Variants in FAM151B observed in about 807,000 individuals in gnomAD.
FAM151B encodes the protein family with sequence similarity 151 member B, also known as protein FAM151B.
A neutral mutation model predicts 31.2 loss-of-function variants in FAM151B; 24 were observed. The ratio of observed to expected loss-of-function variants is 0.77; its 90% CI spans 0.56 to 1.08. FAM151B has a LOEUF of 1.08. FAM151B is among the 50% of genes least tolerant of loss of function. The pLI, the probability that FAM151B is intolerant of heterozygous loss-of-function variation, is 0.00. For missense variants in FAM151B, 293 were observed against 328.6 expected, an observed-to-expected ratio of 0.89 and a Z score of 0.84; for synonymous variants, 105 against 111.4, an observed-to-expected ratio of 0.94 and a Z score of 0.36.
At chr5:80,536,386 G>T (rs1012039636) in intron 5 of FAM151B, among the ~76,000 whole-genome samples, 1 of 151,840 alleles carries the variant, frequency 6.6e-6, no homozygotes, top group Non-Finnish European at 1.5e-5. Context: ...ATCCTGGCCA[G>T]GCTGGTCTCA....
At chr5:80,536,921 TG>T (rs1454668924) in intron 5 of FAM151B, among the ~76,000 whole-genome samples, 1 of 151,916 alleles carries the variant, frequency 6.6e-6, no homozygotes, top group Non-Finnish European at 1.5e-5. Context: ...TGGTGGGTGT[TG>T]GGGGGAGGTG....
intron 5 of FAM151B, among the ~76,000 whole-genome samples, chr5:80,535,049 T>G (rs1218302146): frequency 6.6e-6 from 1 of 151,986 alleles, no homozygotes; most frequent in African/African-American, 2.4e-5. Flanking sequence ...ACCAAAGAAG[T>G]GAAAGATCTC....
At chr5:80,519,954 C>A in intron 4 of FAM151B, 44 bp downstream of exon 4, 3 of 1,536,508 alleles carry the variant, frequency 2.0e-6, no homozygotes, top group South Asian at 1.1e-5. Flanking sequence ...TTAAAATATC[C>A]TCCAGGTATA....
intron 2 of FAM151B, among the ~76,000 whole-genome samples, chr5:80,512,878 T>C (rs1187879356): frequency 2.0e-5 from 3 of 152,158 alleles, no homozygotes; most frequent in Admixed American, 1.3e-4. Context: ...TTTGATCTTT[T>C]GGGATTGTGA....
intron 5 of FAM151B, among the ~76,000 whole-genome samples, chr5:80,538,894 G>C (rs917974992): frequency 7.2e-5 from 11 of 151,776 alleles, no homozygotes; most frequent in African/African-American, 2.4e-4. Context: ...CACCGTGTCT[G>C]GTCCCCCTTC....
chr5:80,510,992 A>G (rs1012743075), intron 2 of FAM151B: 5 of 152,248 alleles, frequency 3.3e-5, no homozygotes, highest in Admixed American at 2.6e-4. Context: ...TGTGATCTGC[A>G]TATAAGTGCA....
intron 3 of FAM151B, among the ~76,000 whole-genome samples, chr5:80,514,308 C>G (rs1180986682): frequency 2.6e-5 from 4 of 151,916 alleles, no homozygotes; most frequent in African/African-American, 9.7e-5. Flanking sequence ...AACGCCACCT[C>G]TACTAAAAAT....
chr5:80,525,351 C>T (rs190177398), intron 5 of FAM151B, among the ~76,000 whole-genome samples: 1 of 152,280 alleles, frequency 6.6e-6, no homozygotes. Flanking sequence ...GGGAACTCAA[C>T]AAGTGATGAA....
chr5:80,488,594 T>C (rs1319833283), intron 1 of FAM151B, among the ~76,000 whole-genome samples: 2 of 152,226 alleles, frequency 1.3e-5, no homozygotes, highest in Non-Finnish European at 2.9e-5. Flanking sequence ...TGGCAGAGTG[T>C]GCGGCTCGCT....
At chr5:80,535,988 C>G (rs6885900) in intron 5 of FAM151B, among the ~76,000 whole-genome samples, 69 of 152,152 alleles carry the variant, frequency 4.5e-4, no homozygotes, top group African/African-American at 1.6e-3. Flanking sequence ...TGAAAAGTTG[C>G]TCAACATCAT....
At chr5:80,517,906 T>A (rs2112636178) in intron 3 of FAM151B, among the ~76,000 whole-genome samples, 1 of 152,010 alleles carries the variant, frequency 6.6e-6, no homozygotes, top group South Asian at 2.1e-4. Flanking sequence ...ACCCCATCTC[T>A]ACTGAAAATA....
At chr5:80,493,472 G>A (rs980634750) in intron 1 of FAM151B, among the ~76,000 whole-genome samples, 6 of 152,160 alleles carry the variant, frequency 3.9e-5, no homozygotes, top group East Asian at 1.9e-4. Flanking sequence ...GACTGCCTGC[G>A]GGGTTGGGCA....
chr5:80,489,872 C>A (rs249005), intron 1 of FAM151B, among the ~76,000 whole-genome samples: 117,735 of 152,074 alleles, frequency 0.77, 48,828 homozygotes, highest in East Asian at 0.92. Flanking sequence ...TGCGGTGAGC[C>A]AAGATTGCGC....
chr5:80,501,930 A>G lies in FAM151B; in HGVS notation c.151+13A>G. On this transcript the variant is annotated intron_variant, in intron 2 of 5. Transcript: ENST00000282226. ...GAGGCACTGAAAAGTAAGTCAGTAC[A>G]GTTACTTGTAATTTACTTTGGATAA... is the stretch of plus-strand genomic sequence containing the variant. 6.4e-7 allele frequency: 1 copy of G among 1,551,946 alleles called. No individual in the cohort carries two copies. Among genetic ancestry groups the G allele is most frequent in the Non-Finnish European group, 8.7e-7 (1 of 1,146,030 alleles).
chr5:80,499,183 AC>A (rs1342615895), intron 1 of FAM151B, among the ~76,000 whole-genome samples: 1 of 152,176 alleles, frequency 6.6e-6, no homozygotes, highest in African/African-American at 2.4e-5. Flanking sequence ...ATTATGGACA[AC>A]TTTTTTTCAG....
intron 5 of FAM151B, among the ~76,000 whole-genome samples, chr5:80,534,577 C>CA (rs1249863020): frequency 6.6e-6 from 1 of 151,962 alleles, no homozygotes; most frequent in Non-Finnish European, 1.5e-5. Context: ...TAAAAACCCA[C>CA]AAAAAAACTG....
rs369917810 is a variant in FAM151B, at chr5:80,519,856, G to A, written c.481G>A (p.Val161Met). 13 of 1,614,008 alleles carry A rather than the reference G, an allele frequency of 8.1e-6. No homozygotes were observed. Among genetic ancestry groups the A allele is most frequent in the South Asian group, 2.2e-5 (2 of 91,084 alleles). Residue 161 changes from valine to methionine, a missense_variant, in exon 4 of 6, where the codon GTG becomes ATG. Physicochemically the swap from Val to Met is conservative, Grantham distance 21. Coordinates refer to ENST00000282226, the MANE Select transcript of FAM151B (RefSeq NM_205548.3). ...CACCGTGATATCCTTCTTTCCAGACGTGACGTTTTCCCTGGGTTGGACAAC... is the reference window on the plus strand; with the variant it reads ...CACCGTGATATCCTTCTTTCCAGACATGACGTTTTCCCTGGGTTGGACAAC... Reference protein sequence around the residue: ...LDTVISFFPDVTFSLGWTTGW... With the variant: ...LDTVISFFPDMTFSLGWTTGW...
chr5:80,528,732 G>GAAA (rs34242760), intron 5 of FAM151B, among the ~76,000 whole-genome samples: 1 of 132,588 alleles, frequency 7.5e-6, no homozygotes, highest in Non-Finnish European at 1.6e-5. Context: ...CCCAGTCTCA[G>GAAA]AAAAAAAAAA....
chr5:80,490,015 C>T (rs1051901703), intron 1 of FAM151B, among the ~76,000 whole-genome samples: 3 of 123,170 alleles, frequency 2.4e-5, no homozygotes, highest in Admixed American at 9.6e-5. Flanking sequence ...TCATTTTTCC[C>T]CCTTACACAC....
Sources: allele counts gnomAD v4.1 joint callset (sites outside exome capture counted in the v4.1 genomes callset), GRCh38; gene constraint gnomAD v4.1.1; transcripts MANE v1.5; gene names NCBI Gene and HGNC (gene_info 2026-07-23, HGNC 2026-07-21).